The following CD300LB variants were observed in gnomAD, a reference collection of about 807,000 sequenced individuals.
The protein encoded by CD300LB is CD300 molecule like family member b.
CD300LB carries 18 observed loss-of-function variants against 20.8 expected under a neutral mutation model. That is an observed-to-expected ratio of 0.87 (90% CI 0.60 to 1.28). The LOEUF is 1.28. CD300LB is among the 50% of genes most tolerant of loss of function. The pLI, the probability that CD300LB is intolerant of heterozygous loss-of-function variation, is 0.00. For missense variants in CD300LB, 222 were observed against 251.8 expected (o/e 0.88, Z 0.80); for synonymous variants, 91 against 91.3 (o/e 1.00, Z 0.02).
chr17:74,531,238 G>A, intron 1 of CD300LB, 73 bp downstream of exon 1: 1 of 1,438,162 alleles, frequency 7.0e-7, no homozygotes, highest in South Asian at 1.5e-5. Context: ...CCCTGGATGT[G>A]GAAGGACAAA....
At chr17:74,524,920 T>G (rs1383489633) in intron 2 of CD300LB, among the ~76,000 whole-genome samples, 2 of 152,214 alleles carry the variant, frequency 1.3e-5, no homozygotes, top group East Asian at 3.8e-4. Context: ...TGGACTCCTC[T>G]TTACTCAGCT....
intron 2 of CD300LB, 53 bp downstream of exon 2, chr17:74,525,695 C>G: frequency 6.5e-7 from 1 of 1,533,986 alleles, no homozygotes. Flanking sequence ...AGAGCACTGA[C>G]TTTCCCAGCC....
chr17:74,525,471 G>C (rs1195116206), intron 2 of CD300LB, among the ~76,000 whole-genome samples: 1 of 152,076 alleles, frequency 6.6e-6, no homozygotes, highest in East Asian at 1.9e-4. Context: ...CACCAAAGCT[G>C]AGGTCCCCAT....
chr17:74,525,205 C>T (rs549557756), intron 2 of CD300LB, among the ~76,000 whole-genome samples: 5 of 152,190 alleles, frequency 3.3e-5, no homozygotes, highest in South Asian at 2.1e-4. Context: ...TGACGTTGCC[C>T]GTGATGGAAG....
chr17:74,529,608 T>C (rs1908139724), intron 1 of CD300LB, among the ~76,000 whole-genome samples: 1 of 152,096 alleles, frequency 6.6e-6, no homozygotes, highest in African/African-American at 2.4e-5. Flanking sequence ...CTCACCAACA[T>C]GGTGAAATCC....
chr17:74,531,137 C>T (rs367675285), intron 1 of CD300LB, among the ~76,000 whole-genome samples, 174 bp downstream of exon 1: 1 of 152,304 alleles, frequency 6.6e-6, no homozygotes, highest in Admixed American at 6.5e-5. Context: ...TTCTCCTCCT[C>T]TTTTTTCTTG....
In CD300LB at chr17:74,522,767, C is replaced by T. The variant is rs373107448; in HGVS notation, c.577G>A (p.Glu193Lys). The T allele has an allele frequency of 3.5e-5, 57 of 1,614,142 alleles. No individual in the cohort carries two copies. The highest frequency in any genetic ancestry group is 2.4e-4 in the African/African-American group (18 of 75,024). Residue 193 changes from glutamate to lysine, a missense_variant, in exon 4 of 4, where the codon GAA becomes AAA. Physicochemically the swap from Glu to Lys is moderately conservative, Grantham distance 56. Coordinates refer to ENST00000392621, the MANE Select transcript of CD300LB (RefSeq NM_174892.4). The stretch of plus-strand genomic sequence containing the variant: ...GTGGCCATGTCTTTAGTCAGAGGTT[C>T]GGAGAAGTTCATGTAGATAGGCTGT... ...GEQPIYMNFS[E>K]PLTKDMAT
Position 74,521,800 on chromosome 17 carries a change from T to C in CD300LB, c.*938A>G, listed in dbSNP as rs1009730057. 3.0e-6 allele frequency: 3 copies of C among 985,376 alleles called. No individual in the cohort carries two copies. The highest frequency in any genetic ancestry group is 1.2e-4 in the Admixed American group (2 of 16,266). 61.0% of individuals were successfully genotyped at this position (985,376 alleles called of 1,614,324 possible). ...GGTCCCTCAACCATACAGCACAAAG[T>C]GACCACATTCAAGGGCCTCATCGCC... On this transcript the variant is annotated 3_prime_UTR_variant, in exon 4 of 4. Coordinates refer to ENST00000392621, the MANE Select transcript of CD300LB (RefSeq NM_174892.4).
At chr17:74,526,162 G>A (rs1908030788) in intron 1 of CD300LB, 85 bp from the exon 2 acceptor site, 2 of 1,521,718 alleles carry the variant, frequency 1.3e-6, no homozygotes, top group Admixed American at 2.1e-5. Context: ...GGCCTTGGAT[G>A]GAGAAACAGC....
rs1907877991 is a variant in CD300LB at position 74,521,497 on chromosome 17, A to G, written c.*1241T>C. The stretch of plus-strand genomic sequence containing the variant: ...CCATTATGGAATTTTCAGGCCCATC[A>G]TTGGCCAGAGACCTAAATTCAGTTC... On this transcript the variant is annotated 3_prime_UTR_variant, in exon 4 of 4. Transcript: ENST00000392621. 2 of 985,342 alleles carry G rather than the reference A, an allele frequency of 2.0e-6. No homozygotes were observed. Among genetic ancestry groups the G allele is most frequent in the South Asian group, 4.7e-5 (1 of 21,294 alleles). 61.0% of individuals were successfully genotyped at this position (985,342 alleles called of 1,614,324 possible).
chr17:74,531,242 G>C, intron 1 of CD300LB, 69 bp downstream of exon 1: 1 of 1,443,770 alleles, frequency 6.9e-7, no homozygotes. Context: ...GGATGTGGAA[G>C]GACAAATGCC....
Position 74,528,327 on chromosome 17 carries a change from A to G in CD300LB, c.41-2250T>C, listed in dbSNP as rs537294538. Among the ~76,000 whole-genome samples the G allele has an allele frequency of 3.3e-5, 5 of 152,244 alleles. No homozygotes were observed. The South Asian group carries it at 1.0e-3, about 32-fold the overall frequency. On this transcript the variant is annotated intron_variant, in intron 1 of 3. Transcript: ENST00000392621. ...GGTTGGGGACCACTGCTCTAAAGAA[A>G]CCCAACCCTACTTGCACCTCAATTT...
In CD300LB at chr17:74,522,176, T is replaced by G; in HGVS notation, c.*562A>C. ...TGTGGACTCAGAGCCATGTCCTCCC[T>G]GGGGACAGGGTCCATCCAGCCCCTC... On this transcript the variant is annotated 3_prime_UTR_variant, in exon 4 of 4. Coordinates refer to ENST00000392621, the MANE Select transcript of CD300LB (RefSeq NM_174892.4). 1.0e-6 allele frequency: 1 copy of G among 985,572 alleles called. No individual in the cohort carries two copies. Among genetic ancestry groups the G allele is most frequent in the Non-Finnish European group, 1.2e-6 (1 of 830,036 alleles). 61.1% of individuals were successfully genotyped at this position (985,572 alleles called of 1,614,324 possible). A position where few individuals can be genotyped will look rare whatever the true frequency, so the allele number is the denominator to read the frequency against.
chr17:74,527,673 G>A (rs925444445), intron 1 of CD300LB, among the ~76,000 whole-genome samples: 1 of 149,904 alleles, frequency 6.7e-6, no homozygotes, highest in East Asian at 1.9e-4. Flanking sequence ...AGGGTTGAGG[G>A]AGAGTCCAAT....
Position 74,522,873 on chromosome 17 carries a change from C to A in CD300LB, c.471G>T (p.Val157=), listed in dbSNP as rs999694595. The A allele has an allele frequency of 6.2e-7, 1 of 1,613,852 alleles. No individual in the cohort carries two copies. The highest frequency in any genetic ancestry group is 1.3e-5 in the African/African-American group (1 of 74,886). The stretch of plus-strand genomic sequence containing the variant: ...CCAAGATGAGCAAGATGGGCACCTT[C>A]ACAAATACCAGGAGCATGTAGTGGT... The part of the protein sequence containing the change: ...KRNHYMLLVF[V]KVPILLILVT... The change falls in exon 4 of 4, where the codon GTG becomes GTT. Residue 157 remains valine, a synonymous_variant. Transcript: ENST00000392621.
At position 74,526,114 on chromosome 17, in the gene CD300LB, C is replaced by T. The variant is rs112707743; in HGVS notation, c.41-37G>A. 557 of 1,592,612 alleles carry T rather than the reference C, an allele frequency of 3.5e-4. 2 individuals carry two copies. In the African/African-American group the frequency reaches 5.7e-3, roughly 16 times the overall value. The stretch of plus-strand genomic sequence containing the variant: ...AATCCCAAGATACAGCTCATTGCAC[C>T]GGCACGAACCCCTGCTCTGGGGCTC... On this transcript the variant is annotated intron_variant, in intron 1 of 3. Transcript: ENST00000392621.
At chr17:74,523,515 C>T in intron 3 of CD300LB, 64 bp downstream of exon 3, 1 of 1,186,778 alleles carries the variant, frequency 8.4e-7, no homozygotes, top group Non-Finnish European at 1.3e-6. Context: ...CAGGAGTTCC[C>T]AGGCTTGGCT....
At position 74,531,364 on chromosome 17, in the gene CD300LB, C is replaced by G. The variant is rs772922174; in HGVS notation, c.-14G>C. The G allele has an allele frequency of 1.2e-6, 2 of 1,612,208 alleles. No homozygotes were observed. The highest frequency in any genetic ancestry group is 1.7e-6 in the Non-Finnish European group (2 of 1,179,234). On this transcript the variant is annotated 5_prime_UTR_variant, in exon 1 of 4. Transcript: ENST00000392621. ...GGGCAGCCACATGGCTCTGCCTTCC[C>G]GGCTCCTCGTCCGCCTGATCTGCAA... is the stretch of plus-strand genomic sequence containing the variant.
At chr17:74,525,385 G>A (rs1567999107) in intron 2 of CD300LB, among the ~76,000 whole-genome samples, 1 of 152,002 alleles carries the variant, frequency 6.6e-6, no homozygotes, top group Non-Finnish European at 1.5e-5. Flanking sequence ...GCAGTTAGTG[G>A]GACTCAATAC....
Sources: allele counts gnomAD v4.1 joint callset (sites outside exome capture counted in the v4.1 genomes callset), GRCh38; gene constraint gnomAD v4.1.1; transcripts MANE v1.5; gene names NCBI Gene and HGNC (gene_info 2026-07-23, HGNC 2026-07-21).